The following COL4A1 variants were observed in gnomAD, a reference collection of about 807,000 sequenced individuals.
The protein encoded by COL4A1 is collagen alpha-1(IV) chain.
COL4A1 carries 40 observed loss-of-function variants against 216.6 expected under a neutral mutation model. That is an observed-to-expected ratio of 0.18 (90% CI 0.14 to 0.24). The LOEUF is 0.24. COL4A1 is among the 10% of genes least tolerant of loss of function. The pLI, the probability that COL4A1 is intolerant of heterozygous loss-of-function variation, is 1.00. For missense variants in COL4A1, 1,628 were observed against 2,196.8 expected, an observed-to-expected ratio of 0.74 and a Z score of 5.18; for synonymous variants, 839 against 810.7, an observed-to-expected ratio of 1.03 and a Z score of -0.59.
At chr13:110,151,215 C>T (rs760887523) in intron 51 of COL4A1, among the ~76,000 whole-genome samples, 1 of 152,002 alleles carries the variant, frequency 6.6e-6, no homozygotes, top group Non-Finnish European at 1.5e-5. Context: ...GGTGCAAATT[C>T]TAGTACCCTC....
At chr13:110,261,876 G>A (rs1051530754) in intron 1 of COL4A1, among the ~76,000 whole-genome samples, 3 of 152,208 alleles carry the variant, frequency 2.0e-5, no homozygotes, top group Admixed American at 6.5e-5. Context: ...CCGGGACACC[G>A]GCTGTCCCCC....
intron 2 of COL4A1, 106 bp downstream of exon 2, chr13:110,242,569 A>C: frequency 7.9e-7 from 1 of 1,273,778 alleles, no homozygotes; most frequent in South Asian, 1.2e-5. Context: ...TTATCAAAAC[A>C]GTAATAAGGC....
intron 1 of COL4A1, among the ~76,000 whole-genome samples, chr13:110,251,255 G>A (rs1323054978): frequency 6.6e-6 from 1 of 152,220 alleles, no homozygotes; most frequent in Admixed American, 6.5e-5. Context: ...ACCCTGGCCT[G>A]CACCGGCCAT....
In COL4A1 at chr13:110,187,306, C is replaced by T. The variant is rs767901841; in HGVS notation, c.1560G>A (p.Leu520=). 12 of 1,612,678 alleles carry T rather than the reference C, an allele frequency of 7.4e-6. No individual in the cohort carries two copies. Among genetic ancestry groups the T allele is most frequent in the Non-Finnish European group, 1.0e-5 (12 of 1,179,876 alleles). The part of the protein sequence containing the change: ...GVPGPQGTPG[L]IGQPGAKGEP... ...CCCCCTTGGCTCCTGGCTGGCCTAT[C>T]AGCCCTGGTGTACCTTGAGGGCCCT... Residue 520 remains leucine, a synonymous_variant, in exon 25 of 52, where the codon CTG becomes CTA. Transcript: ENST00000375820.
intron 1 of COL4A1, among the ~76,000 whole-genome samples, chr13:110,245,962 T>A (rs74509317): frequency 7.9e-5 from 12 of 152,184 alleles, no homozygotes; most frequent in Admixed American, 7.9e-4. Flanking sequence ...TAATTTTTTT[T>A]AATCCTGGAC....
At position 110,241,829 on chromosome 13, in the gene COL4A1, G is replaced by C. The variant is rs115522005; in HGVS notation, c.144+846C>G. 3.6e-3 allele frequency among the ~76,000 whole-genome samples: 541 copies of C among 152,310 alleles called. 6 individuals carry two copies. Among genetic ancestry groups the C allele is most frequent in the African/African-American group, 0.012 (514 of 41,564 alleles). On this transcript the variant is annotated intron_variant, in intron 2 of 51. Coordinates refer to ENST00000375820, the MANE Select transcript of COL4A1 (RefSeq NM_001845.6). The stretch of plus-strand genomic sequence containing the variant: ...GGCCCCATAAAACCTCTGGCATGCC[G>C]GGGAGGGAAGTAAGAATTCACACGC...
chr13:110,204,686 G>T (rs561988741), intron 17 of COL4A1, among the ~76,000 whole-genome samples: 1 of 149,968 alleles, frequency 6.7e-6, no homozygotes, highest in Non-Finnish European at 1.5e-5. Flanking sequence ...AACTAAAAGG[G>T]CCCTGGTCTG....
chr13:110,281,789 C>T (rs1159332090), intron 1 of COL4A1, among the ~76,000 whole-genome samples: 3 of 152,172 alleles, frequency 2.0e-5, no homozygotes, highest in East Asian at 3.9e-4. Context: ...ACATCAATTC[C>T]CCTCTCACAT....
At chr13:110,228,029 G>T (rs997892442) in intron 2 of COL4A1, among the ~76,000 whole-genome samples, 11 of 152,132 alleles carry the variant, frequency 7.2e-5, no homozygotes, top group Non-Finnish European at 1.3e-4. Flanking sequence ...CGTCACCCTC[G>T]CTGGGCAAGA....
intron 17 of COL4A1, among the ~76,000 whole-genome samples, chr13:110,204,864 C>T (rs950170877): frequency 2.0e-5 from 3 of 152,082 alleles, no homozygotes; most frequent in African/African-American, 7.2e-5. Flanking sequence ...CTAAATACCA[C>T]GCAACAAAAG....
Position 110,150,241 on chromosome 13 carries a change from G to T in COL4A1, c.*122C>A. On this transcript the variant is annotated 3_prime_UTR_variant, in exon 52 of 52. Coordinates refer to ENST00000375820, the MANE Select transcript of COL4A1 (RefSeq NM_001845.6). ...GTGTTAGTTACGCAAATTCCTATAA[G>T]GCACTTTACGGTTTTCATATTGGAC... 1.1e-6 allele frequency: 1 copy of T among 921,070 alleles called. No individual in the cohort carries two copies. The highest frequency in any genetic ancestry group is 1.7e-6 in the Non-Finnish European group (1 of 582,510). 57.1% of individuals were successfully genotyped at this position (921,070 alleles called of 1,614,324 possible).
chr13:110,203,530 C>A (rs201002415), intron 18 of COL4A1, 36 bp downstream of exon 18: 3 of 1,608,682 alleles, frequency 1.9e-6, no homozygotes, highest in South Asian at 1.1e-5. Context: ...CCTCCCCCAG[C>A]GCTCTCACAG....
chr13:110,158,565 C>A (rs1234553147), intron 49 of COL4A1, among the ~76,000 whole-genome samples: 1 of 144,352 alleles, frequency 6.9e-6, no homozygotes, highest in Non-Finnish European at 1.5e-5. Context: ...ACTGCTACAT[C>A]TTTCTTCATA....
Position 110,211,930 on chromosome 13 carries a change from G to A in COL4A1, c.388-8C>T. The A allele has an allele frequency of 3.1e-6, 5 of 1,614,084 alleles. No homozygotes were observed. In the South Asian group the frequency reaches 5.5e-5, roughly 18 times the overall value. On this transcript the variant is annotated splice_polypyrimidine_tract_variant and splice_region_variant and intron_variant, in intron 6 of 51. Transcript: ENST00000375820. This position sits in a 1 kb window ranked among gnomAD's most constrained non-coding sequence, Gnocchi z 4.3. ...GAGCGGCCCTCTCTCCCCCTGGGGA[G>A]ACAGCAGAGCATCATTCATACGCAC...
chr13:110,229,841 A>C (rs966283300), intron 2 of COL4A1, among the ~76,000 whole-genome samples: 1 of 152,180 alleles, frequency 6.6e-6, no homozygotes, highest in Non-Finnish European at 1.5e-5. Flanking sequence ...TAAGAGGAAA[A>C]GAAAAAGCCC....
chr13:110,159,660 T>C (rs1876976470), intron 49 of COL4A1, among the ~76,000 whole-genome samples: 2 of 152,222 alleles, frequency 1.3e-5, no homozygotes, highest in African/African-American at 4.8e-5. Flanking sequence ...CCCATGTTCA[T>C]AGCAGCATTG....
In COL4A1 at chr13:110,201,266, A is replaced by AGAG. The variant is rs1368446302; in HGVS notation, c.1084+169_1084+171dup. ...AGGAGGAGGAGGAGGAAGAGGAGAA[A>AGAG]GAGGAGGAGGGGGAGGAGGAAGAGA... is the stretch of plus-strand genomic sequence containing the variant. On this transcript the variant is annotated intron_variant, in intron 19 of 51. Coordinates refer to ENST00000375820, the MANE Select transcript of COL4A1 (RefSeq NM_001845.6). The AGAG allele has an allele frequency of 1.4e-3, 670 of 469,350 alleles. 4 individuals carry two copies. Among genetic ancestry groups the AGAG allele is most frequent in the East Asian group, 5.4e-3 (136 of 25,050 alleles). 29.1% of individuals were successfully genotyped at this position (469,350 alleles called of 1,614,324 possible). A position where few individuals can be genotyped will look rare whatever the true frequency, so the allele number is the denominator to read the frequency against.
Position 110,229,481 on chromosome 13 carries a change from C to T in COL4A1, c.144+13194G>A, listed in dbSNP as rs149998119. Among the ~76,000 whole-genome samples, 39 of 152,266 alleles carry T rather than the reference C, an allele frequency of 2.6e-4. No homozygotes were observed. In the South Asian group the frequency reaches 3.9e-3, roughly 15 times the overall value. ...TAAACACAGCTGGGATGCATTTTGT[C>T]GCCACACATCACTGTACGTGTCCTG... On this transcript the variant is annotated intron_variant, in intron 2 of 51. Transcript: ENST00000375820.
intron 17 of COL4A1, 96 bp downstream of exon 17, chr13:110,205,257 T>A: frequency 6.9e-7 from 1 of 1,451,566 alleles, no homozygotes; most frequent in East Asian, 2.3e-5. Context: ...TTTTTTTCCC[T>A]TGAGTACAGA....
Sources: gnomAD v4.1 joint callset for allele counts (sites outside exome capture counted in the v4.1 genomes callset) on GRCh38, gnomAD v4.1.1 for gene constraint, Gnocchi (gnomAD v3.1) non-coding constraint, MANE v1.5 for transcripts, NCBI Gene and HGNC (gene_info 2026-07-23, HGNC 2026-07-21) for gene names.